Variants in PTPRD observed in about 807,000 individuals in gnomAD.
The protein encoded by PTPRD is protein tyrosine phosphatase receptor type D.
In PTPRD, 34 loss-of-function variants were observed where a neutral mutation model predicts 214.5. That is an observed-to-expected ratio of 0.16 (90% CI 0.12 to 0.21). PTPRD has a LOEUF of 0.21. Among genes scored for constraint, PTPRD ranks in the 10% least tolerant of loss-of-function variants. The pLI is 1.00. For missense variants in PTPRD, 2,545 were observed against 2,398.7 expected (o/e 1.06, Z -1.27); for synonymous variants, 1,128 against 845.7 (o/e 1.33, Z -5.79).
At chr9:9,654,503 G>A (rs1409291123) in intron 7 of PTPRD, among the ~76,000 whole-genome samples, 6 of 151,998 alleles carry the variant, frequency 3.9e-5, no homozygotes, top group Non-Finnish European at 8.8e-5. Context: ...ACATTTAACT[G>A]GCAATCACTT....
At chr9:9,022,320 CGTT>C (rs892886012) in intron 10 of PTPRD, among the ~76,000 whole-genome samples, 21 of 152,162 alleles carry the variant, frequency 1.4e-4, no homozygotes, top group African/African-American at 5.1e-4. Context: ...ACTGCTCACT[CGTT>C]GATTCACCTA....
chr9:8,923,136 G>T, intron 11 of PTPRD, among the ~76,000 whole-genome samples: 1 of 150,972 alleles, frequency 6.6e-6, no homozygotes, highest in Non-Finnish European at 1.5e-5. Context: ...CCGCCTCCTG[G>T]GTTCAAGTGA....
chr9:10,191,377 C>T (rs1424100900), intron 3 of PTPRD, among the ~76,000 whole-genome samples: 1 of 151,990 alleles, frequency 6.6e-6, no homozygotes, highest in Non-Finnish European at 1.5e-5. Flanking sequence ...GTATTAATTA[C>T]TGCTACAGCT....
At chr9:9,394,841 A>C (rs188240873) in intron 9 of PTPRD, among the ~76,000 whole-genome samples, 2 of 152,182 alleles carry the variant, frequency 1.3e-5, no homozygotes, top group East Asian at 3.9e-4. Flanking sequence ...TGATTATTAA[A>C]ATCCAGATCC....
chr9:10,299,771 A>G (rs1244891228), intron 3 of PTPRD, among the ~76,000 whole-genome samples: 1 of 152,140 alleles, frequency 6.6e-6, no homozygotes, highest in African/African-American at 2.4e-5. Context: ...CAAACTAAAT[A>G]TTTGCATATG....
At chr9:10,054,941 C>T (rs944110661) in intron 3 of PTPRD, among the ~76,000 whole-genome samples, 1 of 151,924 alleles carries the variant, frequency 6.6e-6, no homozygotes, top group African/African-American at 2.4e-5. Flanking sequence ...TAGACGATGT[C>T]ATGAGTGCTG....
At chr9:9,402,635 C>T (rs1393796396) in intron 8 of PTPRD, among the ~76,000 whole-genome samples, 1 of 151,628 alleles carries the variant, frequency 6.6e-6, no homozygotes, top group Non-Finnish European at 1.5e-5. Flanking sequence ...TTAGAAATAC[C>T]AAAACATTGA....
chr9:8,947,055 C>T (rs1479029891), intron 11 of PTPRD, among the ~76,000 whole-genome samples: 14 of 128,726 alleles, frequency 1.1e-4, no homozygotes, highest in East Asian at 4.3e-4. Context: ...GTGTGTGTCT[C>T]GATCTTCCTC....
chr9:8,321,543 G>A (rs7858123), intron 44 of PTPRD, among the ~76,000 whole-genome samples: 8,680 of 110,180 alleles, frequency 0.079, 1,077 homozygotes, highest in African/African-American at 0.25. Flanking sequence ...TATATGCATC[G>A]CAATTCCTTT....
intron 3 of PTPRD, among the ~76,000 whole-genome samples, chr9:10,248,878 C>CTT (rs36110607): frequency 0.57 from 86,114 of 150,802 alleles, 26,539 homozygotes; most frequent in East Asian, 0.73. Flanking sequence ...GATATTTTAT[C>CTT]TTTTTTTTAG....
At chr9:8,642,893 C>T (rs74392353) in intron 12 of PTPRD, among the ~76,000 whole-genome samples, 13,630 of 152,100 alleles carry the variant, frequency 0.09, 692 homozygotes, top group East Asian at 0.17. Flanking sequence ...CAACACATGA[C>T]GAAAGGGAGG....
chr9:10,248,586 T>C (rs542567912), intron 3 of PTPRD, among the ~76,000 whole-genome samples: 2 of 148,402 alleles, frequency 1.3e-5, no homozygotes, highest in South Asian at 4.3e-4. Flanking sequence ...AATTTGGAGA[T>C]TGTAGGTTAA....
In PTPRD at chr9:8,929,691, G is replaced by GTA. The variant is rs1391878138; in HGVS notation, c.-104+89004_-104+89005dup. Among the ~76,000 whole-genome samples the GTA allele has an allele frequency of 3.2e-4, 34 of 107,000 alleles. 1 individual carries two copies. Among genetic ancestry groups the GTA allele is most frequent in the Non-Finnish European group, 6.2e-4 (27 of 43,760 alleles). The allele number at this position is 107,000 out of a possible 152,430, so 70.2% of individuals were successfully genotyped here. ...CTGCCAGGTTTTCTTTTATATATGT[G>GTA]TATATATATATGTGTATATATATAT... On this transcript the variant is annotated intron_variant, in intron 11 of 45. Coordinates refer to ENST00000381196, the MANE Select transcript of PTPRD (RefSeq NM_002839.4).
chr9:8,951,485 C>A (rs1318091647), intron 11 of PTPRD, among the ~76,000 whole-genome samples: 2 of 151,976 alleles, frequency 1.3e-5, no homozygotes, highest in African/African-American at 4.8e-5. Flanking sequence ...AATCTAGATT[C>A]ATGTAGCTGA....
At chr9:9,937,105 T>G (rs536409865) in intron 5 of PTPRD, among the ~76,000 whole-genome samples, 42 of 152,204 alleles carry the variant, frequency 2.8e-4, no homozygotes, top group African/African-American at 9.1e-4. Flanking sequence ...GGGATAGCAC[T>G]GGGAGATATA....
intron 11 of PTPRD, among the ~76,000 whole-genome samples, chr9:8,856,104 G>C (rs909086529): frequency 5.3e-5 from 8 of 152,090 alleles, no homozygotes; most frequent in African/African-American, 1.9e-4. Flanking sequence ...TTCTCTTTTT[G>C]CTATAGTGTC....
intron 13 of PTPRD, among the ~76,000 whole-genome samples, chr9:8,636,278 C>A (rs1031250213): frequency 2.0e-5 from 3 of 152,138 alleles, no homozygotes; most frequent in African/African-American, 7.2e-5. Context: ...TTCTGATTGG[C>A]TTAAATTAAG....
At chr9:8,386,901 T>A (rs921199940) in intron 37 of PTPRD, among the ~76,000 whole-genome samples, 11 of 152,268 alleles carry the variant, frequency 7.2e-5, no homozygotes, top group Middle Eastern at 3.4e-3. Context: ...GAGGCTCCAG[T>A]GCTTTGTTAA....
intron 2 of PTPRD, among the ~76,000 whole-genome samples, chr9:10,482,093 C>A (rs184416987): frequency 6.6e-6 from 1 of 152,092 alleles, no homozygotes; most frequent in East Asian, 1.9e-4. Context: ...AAATGTTGGC[C>A]GGGCGCGGTG....
Sources: gnomAD v4.1 joint callset for allele counts (sites outside exome capture counted in the v4.1 genomes callset) on GRCh38, gnomAD v4.1.1 for gene constraint, MANE v1.5 for transcripts, NCBI Gene and HGNC (gene_info 2026-07-23, HGNC 2026-07-21) for gene names.